The following SLFN12L variants were observed in gnomAD, a reference collection of about 807,000 sequenced individuals.
SLFN12L encodes schlafen family member 12-like.
In SLFN12L, 34 loss-of-function variants were observed where a neutral mutation model predicts 34.8. The ratio of observed to expected loss-of-function variants is 0.98; its 90% CI spans 0.74 to 1.30. SLFN12L has a LOEUF of 1.30. SLFN12L is among the 50% of genes most tolerant of loss of function. The probability of loss-of-function intolerance (pLI) is 0.00; values close to 1 mark genes in which losing one functional copy is unlikely to be tolerated. For synonymous variants in SLFN12L, 259 were observed against 247.5 expected, an observed-to-expected ratio of 1.05 and a Z score of -0.44; for missense variants, 703 against 696.2, an observed-to-expected ratio of 1.01 and a Z score of -0.11.
At chr17:35,494,162 C>T (rs1191277530) in intron 2 of SLFN12L, among the ~76,000 whole-genome samples, 1 of 150,980 alleles carries the variant, frequency 6.6e-6, no homozygotes, top group Non-Finnish European at 1.5e-5. Context: ...TGGGAGTAGG[C>T]AAATTACTAA....
intron 2 of SLFN12L, among the ~76,000 whole-genome samples, chr17:35,514,433 C>T (rs1173153410): frequency 6.6e-6 from 1 of 152,242 alleles, no homozygotes; most frequent in East Asian, 1.9e-4. Flanking sequence ...TTCTCCTACA[C>T]TTTTCTGCCT....
intron 2 of SLFN12L, among the ~76,000 whole-genome samples, chr17:35,487,202 G>T (rs551842356): frequency 4.6e-5 from 7 of 152,374 alleles, no homozygotes; most frequent in Non-Finnish European, 8.8e-5. Context: ...CTCCAGCTCT[G>T]CACCAACACC....
intron 2 of SLFN12L, among the ~76,000 whole-genome samples, chr17:35,495,270 T>C (rs1915007429): frequency 6.6e-6 from 1 of 152,166 alleles, no homozygotes; most frequent in South Asian, 2.1e-4. Context: ...GGTGTCCCCT[T>C]CAATTTTGGA....
intron 2 of SLFN12L, chr17:35,498,875 C>T (rs1915191630): frequency 1.4e-6 from 1 of 707,788 alleles, no homozygotes; most frequent in Non-Finnish European, 2.5e-6. Context: ...GCAGTGAGAA[C>T]AATTACTTGG....
At chr17:35,487,718 G>A (rs1330942207) in intron 2 of SLFN12L, 3 of 1,486,004 alleles carry the variant, frequency 2.0e-6, no homozygotes, top group South Asian at 1.2e-5. Flanking sequence ...AAGAAAAAGA[G>A]AACGAACCTG....
rs1458482939 is a variant in SLFN12L at position 35,479,690 on chromosome 17, C to G, written c.592G>C (p.Ala198Pro). 6.2e-7 allele frequency: 1 copy of G among 1,613,512 alleles called. No homozygotes were observed. Reference sequence around the variant, plus strand: ...GCAGGGAATTCTGGTCTTAAATATGCTCTCCCTCCAGTTTTTTCCATGTCT... The same window carrying G: ...GCAGGGAATTCTGGTCTTAAATATGGTCTCCCTCCAGTTTTTTCCATGTCT... The part of the protein sequence containing the change: ...LKDMEKTGGR[A>P]YLRPEFPAKR... Residue 198 changes from alanine to proline, a missense_variant, in exon 3 of 5, where the codon GCA becomes CCA. Transcript: ENST00000628453.
rs1422067199 is a variant in SLFN12L, at chr17:35,508,363, A to G, written c.86+13916T>C. 2.6e-5 allele frequency among the ~76,000 whole-genome samples: 4 copies of G among 152,272 alleles called. No individual in the cohort carries two copies. In the East Asian group the frequency reaches 7.7e-4, roughly 29 times the overall value. ...GGTTTTGTCTGCAGCTCATCCTGCT[A>G]CAAGACGGTGTCTCACTCTGTTGCC... On this transcript the variant is annotated intron_variant, in intron 2 of 4. Transcript: ENST00000628453.
chr17:35,493,838 C>G (rs1199949145), intron 2 of SLFN12L, among the ~76,000 whole-genome samples: 1 of 152,196 alleles, frequency 6.6e-6, no homozygotes, highest in Non-Finnish European at 1.5e-5. Flanking sequence ...TAAACACTAC[C>G]AGAATACTTT....
intron 2 of SLFN12L, among the ~76,000 whole-genome samples, chr17:35,484,054 G>A (rs1914475556): frequency 6.6e-6 from 1 of 152,184 alleles, no homozygotes; most frequent in Non-Finnish European, 1.5e-5. Context: ...AGGGACCAGA[G>A]TAGATGTTCA....
intron 1 of SLFN12L, among the ~76,000 whole-genome samples, chr17:35,530,912 C>T (rs1420398221): frequency 2.0e-5 from 3 of 152,176 alleles, no homozygotes; most frequent in Non-Finnish European, 4.4e-5. Context: ...AAACACAGTC[C>T]TGTCAGAGAT....
At chr17:35,527,467 A>G (rs1206383517) in intron 1 of SLFN12L, among the ~76,000 whole-genome samples, 2 of 152,186 alleles carry the variant, frequency 1.3e-5, no homozygotes, top group Admixed American at 1.3e-4. Context: ...AATACTGGCA[A>G]ACCGAATCCA....
intron 2 of SLFN12L, among the ~76,000 whole-genome samples, chr17:35,520,355 CCTT>C (rs1194718987): frequency 3.9e-5 from 6 of 152,200 alleles, no homozygotes; most frequent in African/African-American, 1.4e-4. Context: ...CACTTGAGTG[CCTT>C]CTTCTCCTGA....
chr17:35,487,476 C>CCG (rs1914633240), intron 2 of SLFN12L, among the ~76,000 whole-genome samples: 1 of 152,070 alleles, frequency 6.6e-6, no homozygotes. Context: ...GGACCACCCC[C>CCG]CCCGGACCCC....
chr17:35,530,148 CCAT>C (rs2072377494), intron 1 of SLFN12L, among the ~76,000 whole-genome samples: 1 of 138,420 alleles, frequency 7.2e-6, no homozygotes, highest in African/African-American at 2.7e-5. Context: ...GAGATCGAGA[CCAT>C]CCTGGCCAAC....
Position 35,470,115 on chromosome 17 carries a change from G to A in SLFN12L, c.*4808C>T, listed in dbSNP as rs1204267782. The A allele has an allele frequency of 1.3e-5, 2 of 152,182 alleles. No individual in the cohort carries two copies. The highest frequency in any genetic ancestry group is 1.3e-4 in the Admixed American group (2 of 15,280). 9.4% of individuals were successfully genotyped at this position (152,182 alleles called of 1,614,324 possible). ...ACCTCCATAAATCAAAACTTCAAGAGTACATTTTCATATAATATTTTATCA... is the reference window on the plus strand; with the variant it reads ...ACCTCCATAAATCAAAACTTCAAGAATACATTTTCATATAATATTTTATCA... On this transcript the variant is annotated 3_prime_UTR_variant, in exon 5 of 5. Coordinates refer to ENST00000628453, the MANE Select transcript of SLFN12L (RefSeq NM_001363830.2).
In SLFN12L at chr17:35,474,616, G is replaced by A. The variant is rs1314603044; in HGVS notation, c.*307C>T. ...ATGCTGGAAATGTCAAAGGCTAATTGGTCTATAAAAGAATTGATTCTCCAG... is the reference window on the plus strand; with the variant it reads ...ATGCTGGAAATGTCAAAGGCTAATTAGTCTATAAAAGAATTGATTCTCCAG... On this transcript the variant is annotated 3_prime_UTR_variant, in exon 5 of 5. Transcript: ENST00000628453. 2 of 255,324 alleles carry A rather than the reference G, an allele frequency of 7.8e-6. No individual in the cohort carries two copies. Among genetic ancestry groups the A allele is most frequent in the East Asian group, 1.8e-4 (2 of 11,260 alleles). 15.8% of individuals were successfully genotyped at this position (255,324 alleles called of 1,614,324 possible).
Position 35,474,769 on chromosome 17 carries a change from CAAA to C in SLFN12L, c.*151_*153del. The C allele has an allele frequency of 8.2e-5, 49 of 597,260 alleles. No individual in the cohort carries two copies. Among genetic ancestry groups the C allele is most frequent in the African/African-American group, 2.4e-4 (12 of 49,264 alleles). 37.0% of individuals were successfully genotyped at this position (597,260 alleles called of 1,614,324 possible). A position where few individuals can be genotyped will look rare whatever the true frequency, so the allele number is the denominator to read the frequency against. The stretch of plus-strand genomic sequence containing the variant: ...TGAAACCCCATCTCTGCTAAAAATA[CAAA>C]AAAAAAAAAATTAGCCAGGTGTGGT... On this transcript the variant is annotated 3_prime_UTR_variant, in exon 5 of 5. Coordinates refer to ENST00000628453, the MANE Select transcript of SLFN12L (RefSeq NM_001363830.2).
At chr17:35,489,732 G>A (rs1914755447) in intron 2 of SLFN12L, among the ~76,000 whole-genome samples, 2 of 152,178 alleles carry the variant, frequency 1.3e-5, no homozygotes, top group South Asian at 2.1e-4. Flanking sequence ...AATAGATACC[G>A]AAAAAGCATT....
chr17:35,515,633 A>ATTTTTTTTT (rs58481344), intron 2 of SLFN12L, among the ~76,000 whole-genome samples: 11 of 78,110 alleles, frequency 1.4e-4, no homozygotes, highest in East Asian at 8.8e-4. Flanking sequence ...ACGCCCGGCA[A>ATTTTTTTTT]TTTTTTTTTT....
Sources: allele counts gnomAD v4.1 joint callset (sites outside exome capture counted in the v4.1 genomes callset), GRCh38; gene constraint gnomAD v4.1.1; transcripts MANE v1.5; gene names NCBI Gene and HGNC (gene_info 2026-07-23, HGNC 2026-07-21).